The following RTL9 variants were observed in gnomAD, a reference collection of about 807,000 sequenced individuals.
RTL9 encodes retrotransposon Gag like 9, also known as retrotransposon Gag-like protein 9.
In RTL9, 19 loss-of-function variants were observed where a neutral mutation model predicts 44.7. The observed-to-expected ratio is 0.42, with a 90% CI of 0.30 to 0.62. RTL9 has a LOEUF of 0.62. RTL9 is among the 20% of genes least tolerant of loss of function. RTL9 has a pLI of 0.16. For missense variants in RTL9, 1,105 were observed against 1,080.6 expected (o/e 1.02, Z -0.32); for synonymous variants, 407 against 398.9 (o/e 1.02, Z -0.24).
chrX:110,395,394 A>G (rs2068521926), intron 1 of RTL9, among the ~76,000 whole-genome samples: 1 of 111,906 alleles, frequency 8.9e-6, no homozygotes, highest in Non-Finnish European at 1.9e-5. Context: ...CTCCCTGAAC[A>G]ATAGCAGTGC....
chrX:110,453,066 G>A, exon 1 of RTL9: 1 of 1,211,557 alleles, frequency 8.3e-7, no homozygotes, highest in Non-Finnish European at 1.1e-6. Context: ...AGCTTATGGA[G>A]CCATGTCTGC....
chrX:110,388,863 C>G (rs762173252), intron 1 of RTL9, among the ~76,000 whole-genome samples: 4 of 112,424 alleles, frequency 3.6e-5, no homozygotes, highest in African/African-American at 1.3e-4. Context: ...GCAAAAAGTC[C>G]ATGAGGAAAC....
At chrX:110,400,174 T>A (rs1280404505) in intron 1 of RTL9, among the ~76,000 whole-genome samples, 1 of 106,697 alleles carries the variant, frequency 9.4e-6, no homozygotes, top group Admixed American at 1.0e-4. Context: ...TGGGTGCAAT[T>A]TCTAAAATTG....
At chrX:110,359,163 C>A (rs1333994715) in intron 1 of RTL9, among the ~76,000 whole-genome samples, 1 of 111,233 alleles carries the variant, frequency 9.0e-6, no homozygotes, top group African/African-American at 3.3e-5. Context: ...TGAACCTAGG[C>A]AGTCTGGATC....
At chrX:110,418,919 C>T (rs886166139), upstream of RTL9, 1 of 109,657 alleles carries the variant, frequency 9.1e-6, no homozygotes, top group Non-Finnish European at 1.9e-5. Context: ...TTTACACACA[C>T]AGGCAGCAGC....
rs1191564725 is a variant in RTL9, at chrX:110,452,586, C to T, written c.1969C>T (p.Gln657Ter). ...AGTTTCTGGAGCTCTGTCCATGCCG[C>T]AAATGACAGACACAGCCTCTGGAGG... Residue 657 changes from glutamine (Q) to a stop codon, truncating the protein, a stop_gained, in exon 1 of 2, where the codon CAA becomes TAA. Coordinates refer to ENST00000540313, the Ensembl canonical transcript of RTL9. LOFTEE classifies it high-confidence loss of function. 1 of 1,211,625 alleles carries T rather than the reference C, an allele frequency of 8.3e-7. No individual in the cohort carries two copies. Among genetic ancestry groups the T allele is most frequent in the South Asian group, 1.8e-5 (1 of 56,960 alleles).
At chrX:110,450,245 T>G (rs2068930850), upstream of RTL9, among the ~76,000 whole-genome samples, 1 of 111,432 alleles carries the variant, frequency 9.0e-6, no homozygotes. Flanking sequence ...GGAATCCGCA[T>G]TTCTCACATT....
upstream of RTL9, among the ~76,000 whole-genome samples, chrX:110,418,155 C>T (rs182149560): frequency 6.2e-5 from 7 of 112,643 alleles, no homozygotes; most frequent in East Asian, 2.8e-4. Context: ...TAGGTTCATC[C>T]GGCATGCAGG....
chrX:110,371,434 TAC>T (rs1444346623), intron 1 of RTL9, among the ~76,000 whole-genome samples: 1 of 111,672 alleles, frequency 9.0e-6, no homozygotes, highest in East Asian at 2.8e-4. Context: ...TTTTTAAATG[TAC>T]AGTTATCACT....
In RTL9 at chrX:110,442,247, CTGTG is replaced by C. The variant is rs908737506; in HGVS notation, c.-167-2868_-167-2865del. On this transcript the variant is annotated intron_variant, in intron 1 of 3. Transcript: ENST00000465301. ...TCTCTCTCTCTCTCTCTCTCTCTCT[CTGTG>C]TGTGTGTGTGTGTGTGTGTGTGTGT... 3.4e-3 allele frequency among the ~76,000 whole-genome samples: 333 copies of C among 96,982 alleles called. 1 individual carries two copies. Among genetic ancestry groups the C allele is most frequent in the East Asian group, 8.2e-3 (25 of 3,063 alleles). 84.2% of individuals were successfully genotyped at this position (96,982 alleles called of 115,157 possible).
upstream of RTL9, among the ~76,000 whole-genome samples, chrX:110,414,243 A>G (rs961038577): frequency 8.9e-6 from 1 of 112,384 alleles, no homozygotes; most frequent in African/African-American, 3.2e-5. Context: ...TTCCAACCTC[A>G]GCGGGGCCCT....
chrX:110,446,529 A>G (rs2068909197), upstream of RTL9, among the ~76,000 whole-genome samples: 1 of 111,273 alleles, frequency 9.0e-6, no homozygotes, highest in African/African-American at 3.3e-5. Flanking sequence ...AACTTTTATT[A>G]GTTTTTTTCT....
chrX:110,454,819 G>T (rs2068971127), intron 1 of RTL9, among the ~76,000 whole-genome samples, 155 bp downstream of exon 3: 1 of 111,965 alleles, frequency 8.9e-6, no homozygotes, highest in African/African-American at 3.3e-5. Flanking sequence ...CATCAAGTGA[G>T]CATGGCTCTG....
chrX:110,425,980 GCA>G (rs72103134), intron 1 of RTL9, among the ~76,000 whole-genome samples: 4,140 of 109,158 alleles, frequency 0.038, 203 homozygotes, highest in African/African-American at 0.13. Context: ...GTGCGTGCGC[GCA>G]CACACACACA....
At chrX:110,450,257 G>A (rs754012464), upstream of RTL9, among the ~76,000 whole-genome samples, 90 of 111,442 alleles carry the variant, frequency 8.1e-4, no homozygotes, top group African/African-American at 2.5e-3. Context: ...TCTCACATTT[G>A]GCCAGAAGGT....
intron 1 of RTL9, among the ~76,000 whole-genome samples, chrX:110,443,414 C>T (rs2068893169): frequency 8.9e-6 from 1 of 111,945 alleles, no homozygotes; most frequent in African/African-American, 3.3e-5. Context: ...CCAGGGAGCA[C>T]TTGATGCAGG....
chrX:110,367,078 C>G (rs940038005), intron 1 of RTL9, among the ~76,000 whole-genome samples: 4 of 112,156 alleles, frequency 3.6e-5, no homozygotes, highest in African/African-American at 1.3e-4. Context: ...AGCGAACCAT[C>G]TGGGATTCCA....
At chrX:110,408,038 A>G (rs200874930) in intron 1 of RTL9, among the ~76,000 whole-genome samples, 1 of 112,694 alleles carries the variant, frequency 8.9e-6, no homozygotes, top group East Asian at 2.8e-4. Context: ...GTTGGGATGG[A>G]GCAGGAAACT....
chrX:110,453,789 A>G (rs2148351842), exon 1 of RTL9: 2 of 1,211,427 alleles, frequency 1.7e-6, no homozygotes, highest in South Asian at 1.8e-5. Context: ...GGGTATGTCC[A>G]TGCCACAAAT....
Sources: allele counts gnomAD v4.1 joint callset (sites outside exome capture counted in the v4.1 genomes callset), GRCh38; gene constraint gnomAD v4.1.1; transcripts MANE v1.5; gene names NCBI Gene and HGNC (gene_info 2026-07-23, HGNC 2026-07-21).